NWD1: variants seen among roughly 807,000 people sequenced by gnomAD.
NWD1 encodes the protein NACHT domain- and WD repeat-containing protein 1.
NWD1 carries 129 observed loss-of-function variants against 135.1 expected under a neutral mutation model. That is an observed-to-expected ratio of 0.96 (90% CI 0.83 to 1.11). The LOEUF is 1.11. Ranked by LOEUF, NWD1 falls within the 50% of genes least tolerant of loss-of-function variation. The pLI is 0.00. For missense variants in NWD1, 1,740 were observed against 1,851.3 expected, an observed-to-expected ratio of 0.94 and a Z score of 1.10; for synonymous variants, 773 against 786.0, an observed-to-expected ratio of 0.98 and a Z score of 0.28.
chr19:16,810,330 C>T (rs566778813), intron 18 of NWD1, among the ~76,000 whole-genome samples: 8 of 149,456 alleles, frequency 5.4e-5, no homozygotes, highest in South Asian at 2.1e-4. Flanking sequence ...CCCGGCTACC[C>T]GGGAGGCCGA....
Position 16,780,286 on chromosome 19 carries a change from G to A in NWD1, c.2731+821G>A, listed in dbSNP as rs565043666. 2.3e-4 allele frequency among the ~76,000 whole-genome samples: 35 copies of A among 152,030 alleles called. No individual in the cohort carries two copies. In the South Asian group the frequency reaches 6.5e-3, roughly 28 times the overall value. On this transcript the variant is annotated intron_variant, in intron 12 of 18. Coordinates refer to ENST00000524140, the MANE Select transcript of NWD1 (RefSeq NM_001007525.5). ...TTCTCCTGCCTCAGCCTCCCGAGTAGCTGGGACTACAGGCGCCCGCCACCA... is the reference window on the plus strand; with the variant it reads ...TTCTCCTGCCTCAGCCTCCCGAGTAACTGGGACTACAGGCGCCCGCCACCA...
chr19:16,745,142 T>C (rs1599452596), intron 5 of NWD1: 1 of 452,658 alleles, frequency 2.2e-6, no homozygotes, highest in East Asian at 6.9e-5. Context: ...TCTTACATGG[T>C]GGCAGGTAAG....
chr19:16,796,058 A>C (rs941758707), intron 15 of NWD1, among the ~76,000 whole-genome samples: 1 of 152,144 alleles, frequency 6.6e-6, no homozygotes, highest in African/African-American at 2.4e-5. Flanking sequence ...CATCTCTCTC[A>C]GTGTGGCTGA....
At chr19:16,736,806 C>T in intron 4 of NWD1, 56 bp downstream of exon 4, 1 of 1,021,898 alleles carries the variant, frequency 9.8e-7, no homozygotes, top group Non-Finnish European at 1.5e-6. Context: ...ATGCCCCCTG[C>T]TTTCTAGACA....
intron 4 of NWD1, among the ~76,000 whole-genome samples, chr19:16,740,917 G>A (rs1379388938): frequency 6.6e-6 from 1 of 152,070 alleles, no homozygotes; most frequent in African/African-American, 2.4e-5. Context: ...CAAGCACTTT[G>A]AGAGGCCGAG....
chr19:16,720,669 C>T lies in NWD1; in HGVS notation c.-105+376C>T. 1.3e-5 allele frequency among the ~76,000 whole-genome samples: 2 copies of T among 152,112 alleles called. 1 individual carries two copies. The highest frequency in any genetic ancestry group is 1.3e-4 in the Admixed American group (2 of 15,248). ...TCCCAGGTTCACACCATTCTCCTGC[C>T]TCAGCCTCCTGAGTAGCTGGGACTA... On this transcript the variant is annotated intron_variant, in intron 1 of 18. Transcript: ENST00000524140.
chr19:16,764,927 C>A, intron 9 of NWD1, 107 bp from the exon 10 acceptor site: 2 of 1,227,822 alleles, frequency 1.6e-6, no homozygotes, highest in Non-Finnish European at 2.3e-6. Flanking sequence ...GTCACTACTG[C>A]TGAGCCTGAG....
intron 16 of NWD1, among the ~76,000 whole-genome samples, chr19:16,798,133 G>A (rs1970481795): frequency 6.6e-6 from 1 of 152,132 alleles, no homozygotes. Context: ...GGGCAGATTT[G>A]TGCCTTCAGA....
At chr19:16,786,223 G>A (rs1970036532) in intron 12 of NWD1, among the ~76,000 whole-genome samples, 1 of 151,644 alleles carries the variant, frequency 6.6e-6, no homozygotes, top group African/African-American at 2.4e-5. Flanking sequence ...TGCCCGGCTT[G>A]TCTCGGACTC....
intron 17 of NWD1, 152 bp downstream of exon 17, chr19:16,800,314 A>T: frequency 1.4e-6 from 1 of 730,444 alleles, no homozygotes; most frequent in Non-Finnish European, 2.2e-6. Flanking sequence ...CGGGTGGATC[A>T]CCTGAGGTCA....
chr19:16,763,006 A>T (rs1274549526), intron 8 of NWD1, among the ~76,000 whole-genome samples: 1 of 151,712 alleles, frequency 6.6e-6, no homozygotes, highest in Admixed American at 6.6e-5. Context: ...CTGGTCTCGA[A>T]CTCCTGATCT....
Position 16,794,387 on chromosome 19 carries a change from T to TA in NWD1, c.3214-70dup. 3.7e-6 allele frequency: 3 copies of TA among 809,944 alleles called. No homozygotes were observed. In the Admixed American group the frequency reaches 8.3e-5, roughly 22 times the overall value. 50.2% of individuals were successfully genotyped at this position (809,944 alleles called of 1,614,324 possible). On this transcript the variant is annotated intron_variant, in intron 14 of 18. Transcript: ENST00000524140. The stretch of plus-strand genomic sequence containing the variant: ...TCTCAAAAACAAAAAAAATAAAAAT[T>TA]AAAAAATTAAAAAATTCCAGACTTG...
intron 2 of NWD1, among the ~76,000 whole-genome samples, chr19:16,725,008 A>G (rs12981111): frequency 1.3e-5 from 1 of 78,324 alleles, no homozygotes; most frequent in Non-Finnish European, 3.1e-5. Flanking sequence ...ATTTTTATTT[A>G]TTTTTTATTT....
At chr19:16,752,191 G>GT (rs1968608026) in intron 6 of NWD1, among the ~76,000 whole-genome samples, 2 of 151,140 alleles carry the variant, frequency 1.3e-5, no homozygotes, top group Admixed American at 1.3e-4. Flanking sequence ...GGACGACATA[G>GT]TTTTGCCTCT....
intron 4 of NWD1, among the ~76,000 whole-genome samples, chr19:16,738,539 A>C (rs1475255674): frequency 1.4e-5 from 2 of 147,202 alleles, no homozygotes; most frequent in Non-Finnish European, 3.0e-5. Flanking sequence ...ACTGCATTCC[A>C]GACTGCGCAA....
Position 16,751,272 on chromosome 19 carries a change from G to A in NWD1, c.1769+861G>A, listed in dbSNP as rs549980342. Among the ~76,000 whole-genome samples, 19 of 151,760 alleles carry A rather than the reference G, an allele frequency of 1.3e-4. No individual in the cohort carries two copies. The South Asian group carries it at 4.0e-3, about 32-fold the overall frequency. ...TAAACTTGGGTCATGATAGTCTGGG[G>A]CCATTGCTCAGAGATGCCAGCCAGG... On this transcript the variant is annotated intron_variant, in intron 6 of 18. Coordinates refer to ENST00000524140, the MANE Select transcript of NWD1 (RefSeq NM_001007525.5).
chr19:16,814,866 T>C (rs532437398), intron 18 of NWD1, among the ~76,000 whole-genome samples, 162 bp from the exon 19 acceptor site: 4 of 152,340 alleles, frequency 2.6e-5, no homozygotes, highest in Admixed American at 2.6e-4. Context: ...ATTCCCATTG[T>C]GCAGATAAAG....
intron 6 of NWD1, among the ~76,000 whole-genome samples, chr19:16,756,494 C>T (rs1378069239): frequency 2.6e-5 from 4 of 152,164 alleles, no homozygotes; most frequent in African/African-American, 9.7e-5. Flanking sequence ...AACTATATGT[C>T]TATCTGCCTA....
At chr19:16,766,397 G>A (rs1010230610) in intron 10 of NWD1, among the ~76,000 whole-genome samples, 1 of 152,096 alleles carries the variant, frequency 6.6e-6, no homozygotes, top group Non-Finnish European at 1.5e-5. Context: ...GCGAGACCCT[G>A]TCTCAAAACG....
Sources: allele counts gnomAD v4.1 joint callset (sites outside exome capture counted in the v4.1 genomes callset), GRCh38; gene constraint gnomAD v4.1.1; transcripts MANE v1.5; gene names NCBI Gene and HGNC (gene_info 2026-07-23, HGNC 2026-07-21).